WDFY3: variants seen among roughly 807,000 people sequenced by gnomAD.
WDFY3 encodes the protein WD repeat and FYVE domain-containing protein 3.
WDFY3 carries 66 observed loss-of-function variants against 409.6 expected under a neutral mutation model. The ratio of observed to expected loss-of-function variants is 0.16; its 90% confidence interval spans 0.13 to 0.20. The LOEUF (loss-of-function observed/expected upper bound fraction) is 0.20, where lower values mean the gene tolerates loss of function less well. Ranked by LOEUF, WDFY3 falls within the 10% of genes least tolerant of loss-of-function variation. The pLI, the probability that WDFY3 is intolerant of heterozygous loss-of-function variation, is 1.00. For missense variants in WDFY3, 3,031 were observed against 4,298.1 expected, an observed-to-expected ratio of 0.71 and a Z score of 8.24; for synonymous variants, 1,521 against 1,537.1, an observed-to-expected ratio of 0.99 and a Z score of 0.25.
chr4:84,772,258 C>T (rs1022042400), intron 30 of WDFY3, among the ~76,000 whole-genome samples: 1 of 151,958 alleles, frequency 6.6e-6, no homozygotes, highest in Non-Finnish European at 1.5e-5. Flanking sequence ...CTAGCATATA[C>T]AACAAGAAAA....
chr4:84,930,042 G>C (rs1234140912), intron 2 of WDFY3, among the ~76,000 whole-genome samples: 1 of 152,032 alleles, frequency 6.6e-6, no homozygotes, highest in Non-Finnish European at 1.5e-5. Context: ...CAGGCCTCAG[G>C]AGCCAACCCT....
intron 21 of WDFY3, among the ~76,000 whole-genome samples, chr4:84,793,015 A>T (rs1471761419): frequency 6.6e-6 from 1 of 152,234 alleles, no homozygotes; most frequent in Non-Finnish European, 1.5e-5. Flanking sequence ...AGTGCTATGG[A>T]AGTGGGCACA....
At position 84,810,448 on chromosome 4, in the gene WDFY3, A is replaced by G. The variant is rs1184575436; in HGVS notation, c.1888-104T>C. ...AGGTTGTACATTCTGTGAATCTGAC[A>G]TGTTTTTATCATTTACCCAATAAAC... On this transcript the variant is annotated intron_variant, in intron 13 of 67. Transcript: ENST00000295888. 6 of 1,016,666 alleles carry G rather than the reference A, an allele frequency of 5.9e-6. No homozygotes were observed. In the African/African-American group the frequency reaches 6.5e-5, roughly 11 times the overall value. The allele number at this position is 1,016,666 out of a possible 1,614,324, so 63.0% of individuals were successfully genotyped here.
intron 5 of WDFY3, among the ~76,000 whole-genome samples, chr4:84,843,841 T>A (rs1271930408): frequency 6.6e-6 from 1 of 152,204 alleles, no homozygotes; most frequent in Non-Finnish European, 1.5e-5. Flanking sequence ...CTTAAAACTT[T>A]GGGTAAAAAA....
chr4:84,900,525 A>G lies in WDFY3; in HGVS notation c.-131-3515T>C, dbSNP rs542935177. On this transcript the variant is annotated intron_variant, in intron 2 of 67. Coordinates refer to ENST00000295888, the MANE Select transcript of WDFY3 (RefSeq NM_014991.6). ...ACTGCATCCAGATTGTGAATGAATT[A>G]TTGTTACATATAAAAACTTGGATTA... Among the ~76,000 whole-genome samples the G allele has an allele frequency of 2.0e-5, 3 of 152,328 alleles. No individual in the cohort carries two copies. In the East Asian group the frequency reaches 5.8e-4, roughly 29 times the overall value.
At chr4:84,674,513 T>C (rs1327583744) in intron 67 of WDFY3, among the ~76,000 whole-genome samples, 1 of 151,912 alleles carries the variant, frequency 6.6e-6, no homozygotes, top group Non-Finnish European at 1.5e-5. Flanking sequence ...AAAGCTGCAC[T>C]GAGCTGTGAT....
chr4:84,784,174 C>T (rs1223276318), intron 24 of WDFY3, among the ~76,000 whole-genome samples: 1 of 152,134 alleles, frequency 6.6e-6, no homozygotes, highest in Non-Finnish European at 1.5e-5. Context: ...TCTTCTTGAT[C>T]TCCCCAACTC....
At position 84,677,239 on chromosome 4, in the gene WDFY3, GTCTT is replaced by G. The variant is rs1726445560; in HGVS notation, c.10413_10416del (p.Glu3471AspfsTer26). The stretch of plus-strand genomic sequence containing the variant: ...TGACCACAGTTCCTGCAATGGTGTC[GTCTT>G]TCTGTGAGTGAAAACCTCACCGAGC... On this transcript the variant is annotated frameshift_variant, in exon 67 of 68. Transcript: ENST00000295888. LOFTEE classifies it high-confidence loss of function. The G allele has an allele frequency of 1.2e-6, 2 of 1,614,176 alleles. No homozygotes were observed. The highest frequency in any genetic ancestry group is 1.7e-6 in the Non-Finnish European group (2 of 1,180,024).
intron 2 of WDFY3, among the ~76,000 whole-genome samples, chr4:84,927,183 T>C (rs1444460307): frequency 6.6e-6 from 1 of 152,206 alleles, no homozygotes; most frequent in East Asian, 1.9e-4. Flanking sequence ...TAAAATCACG[T>C]AAAAATCATG....
intron 25 of WDFY3, 57 bp from the exon 26 acceptor site, chr4:84,780,355 G>T (rs1578482560): frequency 6.9e-7 from 1 of 1,458,090 alleles, no homozygotes; most frequent in East Asian, 2.4e-5. Context: ...AACAAGAACT[G>T]TATACATCAT....
At chr4:84,756,033 G>A (rs1007208032) in intron 33 of WDFY3, among the ~76,000 whole-genome samples, 1 of 152,164 alleles carries the variant, frequency 6.6e-6, no homozygotes, top group Non-Finnish European at 1.5e-5. Context: ...TTGGCATTAG[G>A]ATGGAAGTGT....
intron 3 of WDFY3, among the ~76,000 whole-genome samples, chr4:84,891,081 C>T (rs1212637976): frequency 6.6e-6 from 1 of 152,132 alleles, no homozygotes; most frequent in Non-Finnish European, 1.5e-5. Context: ...AGACTTTGCC[C>T]GCAGGCCATA....
At chr4:84,712,687 C>T (rs1274683077) in intron 51 of WDFY3, among the ~76,000 whole-genome samples, 1 of 152,010 alleles carries the variant, frequency 6.6e-6, no homozygotes. Flanking sequence ...TACACTCCAG[C>T]CTGGGTGACA....
intron 58 of WDFY3, among the ~76,000 whole-genome samples, chr4:84,695,509 TAGAG>T (rs869147060): frequency 0.058 from 6,253 of 107,316 alleles, 116 homozygotes; most frequent in African/African-American, 0.065. Flanking sequence ...CAGAGAGAGA[TAGAG>T]AGAGAGAGAG....
At chr4:84,804,995 C>A (rs1479521605) in intron 15 of WDFY3, among the ~76,000 whole-genome samples, 1 of 152,070 alleles carries the variant, frequency 6.6e-6, no homozygotes. Context: ...CTCCAAAATC[C>A]AAAACTTTTT....
chr4:84,923,387 C>T (rs1431000139), intron 2 of WDFY3, among the ~76,000 whole-genome samples: 4 of 152,200 alleles, frequency 2.6e-5, no homozygotes, highest in Non-Finnish European at 5.9e-5. Context: ...CCCAAGCCCC[C>T]CCACCTTATT....
At chr4:84,949,899 T>C (rs1227024621) in intron 1 of WDFY3, among the ~76,000 whole-genome samples, 1 of 152,190 alleles carries the variant, frequency 6.6e-6, no homozygotes, top group East Asian at 1.9e-4. Context: ...TTCTAAATAC[T>C]GTGGCTAAGG....
chr4:84,954,337 A>G (rs376675627), intron 1 of WDFY3, among the ~76,000 whole-genome samples: 3 of 152,330 alleles, frequency 2.0e-5, no homozygotes, highest in Middle Eastern at 3.4e-3. Flanking sequence ...AATAACTGAT[A>G]TAGAGTTTAT....
chr4:84,680,343 G>T (rs1357209897), intron 64 of WDFY3, among the ~76,000 whole-genome samples: 1 of 152,178 alleles, frequency 6.6e-6, no homozygotes, highest in Non-Finnish European at 1.5e-5. Context: ...AGGCTGGAGT[G>T]TAGTGGAGCG....
Sources: gnomAD v4.1 joint callset for allele counts (sites outside exome capture counted in the v4.1 genomes callset) on GRCh38, gnomAD v4.1.1 for gene constraint, MANE v1.5 for transcripts, NCBI Gene and HGNC (gene_info 2026-07-23, HGNC 2026-07-21) for gene names.